Variants in TAFA1 observed in about 807,000 individuals in gnomAD.
TAFA1 encodes chemokine-like protein TAFA-1.
A neutral mutation model predicts 18.5 loss-of-function variants in TAFA1; 4 were observed. The ratio of observed to expected loss-of-function variants is 0.22; its 90% CI spans 0.11 to 0.49. The LOEUF (loss-of-function observed/expected upper bound fraction) is 0.49. Among genes scored for constraint, TAFA1 ranks in the 20% least tolerant of loss-of-function variants. The pLI is 0.98. For synonymous variants in TAFA1, 56 were observed against 55.2 expected, an observed-to-expected ratio of 1.01 and a Z score of -0.06; for missense variants, 147 against 169.0, an observed-to-expected ratio of 0.87 and a Z score of 0.72.
chr3:68,132,843 G>A (rs1214186610), intron 2 of TAFA1, among the ~76,000 whole-genome samples: 2 of 129,638 alleles, frequency 1.5e-5, no homozygotes, highest in African/African-American at 2.7e-5. Flanking sequence ...TCATGCTGAT[G>A]ATAATTTATT....
In TAFA1 at chr3:68,065,647, AT is replaced by A. The variant is rs1339570394; in HGVS notation, c.118+58906del. ...AAATTGTGAGTGGAGACATAGATGA[AT>A]TTGTATATGTGTGTATATATACATA... On this transcript the variant is annotated intron_variant, in intron 2 of 4. Transcript: ENST00000478136. 5.3e-5 allele frequency among the ~76,000 whole-genome samples: 8 copies of A among 151,990 alleles called. 1 individual carries two copies. Among genetic ancestry groups the A allele is most frequent in the African/African-American group, 1.7e-4 (7 of 41,460 alleles).
At chr3:68,436,517 T>G (rs2106852473) in intron 3 of TAFA1, among the ~76,000 whole-genome samples, 1 of 152,236 alleles carries the variant, frequency 6.6e-6, no homozygotes, top group East Asian at 1.9e-4. Flanking sequence ...GTAAAAAACT[T>G]ACAAAGTCAA....
At chr3:68,188,754 C>G (rs2066302244) in intron 2 of TAFA1, among the ~76,000 whole-genome samples, 1 of 151,770 alleles carries the variant, frequency 6.6e-6, no homozygotes, top group Non-Finnish European at 1.5e-5. Flanking sequence ...AAGGACAGAA[C>G]CATGGTAGGG....
intron 2 of TAFA1, among the ~76,000 whole-genome samples, chr3:68,271,503 A>G (rs2107230187): frequency 6.6e-6 from 1 of 152,284 alleles, no homozygotes; most frequent in African/African-American, 2.4e-5. Flanking sequence ...AAGAAGAAAG[A>G]AAGAATGTTG....
chr3:68,416,148 CCCA>C (rs2070833315), intron 2 of TAFA1, among the ~76,000 whole-genome samples: 1 of 152,032 alleles, frequency 6.6e-6, no homozygotes, highest in South Asian at 2.1e-4. Flanking sequence ...AACATCACAC[CCCA>C]CCACCACTGC....
chr3:68,145,384 A>T, intron 2 of TAFA1: 1 of 832,514 alleles, frequency 1.2e-6, no homozygotes, highest in Non-Finnish European at 2.1e-6. Context: ...CATATACTTC[A>T]ATCATCACTG....
intron 2 of TAFA1, among the ~76,000 whole-genome samples, chr3:68,085,673 A>G (rs1047253610): frequency 6.6e-6 from 1 of 152,194 alleles, no homozygotes; most frequent in African/African-American, 2.4e-5. Context: ...TATCCACTCC[A>G]AAGAGTATAT....
intron 3 of TAFA1, among the ~76,000 whole-genome samples, chr3:68,515,457 A>AGTAGGG (rs1559701207): frequency 3.3e-5 from 5 of 151,962 alleles, no homozygotes; most frequent in African/African-American, 4.8e-5. Flanking sequence ...TGTTTCCAGG[A>AGTAGGG]AGTATGGTTA....
chr3:68,176,946 A>G (rs2066134168), intron 2 of TAFA1, among the ~76,000 whole-genome samples: 1 of 152,036 alleles, frequency 6.6e-6, no homozygotes, highest in African/African-American at 2.4e-5. Context: ...GATTCACTAT[A>G]TTGCTCATCT....
chr3:68,515,794 C>T (rs946570694), intron 3 of TAFA1, among the ~76,000 whole-genome samples: 1 of 152,200 alleles, frequency 6.6e-6, no homozygotes, highest in Admixed American at 6.5e-5. Flanking sequence ...TTGCTGCAAG[C>T]ATTAGATGGA....
At chr3:68,525,092 A>G (rs575192367) in intron 3 of TAFA1, among the ~76,000 whole-genome samples, 1 of 152,332 alleles carries the variant, frequency 6.6e-6, no homozygotes, top group African/African-American at 2.4e-5. Flanking sequence ...CAGTAGAACT[A>G]AGATGTTGAA....
At chr3:68,022,963 CTT>C (rs1477250338) in intron 2 of TAFA1, among the ~76,000 whole-genome samples, 1 of 143,150 alleles carries the variant, frequency 7.0e-6, no homozygotes. Flanking sequence ...GAAAGTTACT[CTT>C]GTTTTTTTTT....
intron 3 of TAFA1, among the ~76,000 whole-genome samples, chr3:68,493,030 T>G (rs1307202446): frequency 2.0e-5 from 3 of 152,170 alleles, no homozygotes; most frequent in Non-Finnish European, 4.4e-5. Context: ...TCTTAGCCAT[T>G]TTTAAGTGTA....
At chr3:68,388,269 G>C (rs371962627) in intron 2 of TAFA1, among the ~76,000 whole-genome samples, 33 of 152,218 alleles carry the variant, frequency 2.2e-4, no homozygotes, top group African/African-American at 7.5e-4. Flanking sequence ...TTATAAAAAG[G>C]TAGTATAGAT....
At chr3:68,281,093 A>G (rs2067889779) in intron 2 of TAFA1, among the ~76,000 whole-genome samples, 1 of 152,156 alleles carries the variant, frequency 6.6e-6, no homozygotes, top group Non-Finnish European at 1.5e-5. Context: ...TTAAATTTCT[A>G]ATAAAATATT....
At chr3:68,345,032 C>CA (rs551579012) in intron 2 of TAFA1, among the ~76,000 whole-genome samples, 61,789 of 140,898 alleles carry the variant, frequency 0.44, 13,057 homozygotes, top group South Asian at 0.58. Context: ...GGCCCTATCT[C>CA]AAAAAAAAAA....
intron 2 of TAFA1, among the ~76,000 whole-genome samples, chr3:68,198,131 G>A (rs887525399): frequency 4.6e-5 from 7 of 151,554 alleles, no homozygotes; most frequent in African/African-American, 1.7e-4. Flanking sequence ...ATACAATGTG[G>A]AGCCTTTTCA....
chr3:68,030,770 A>T (rs369606003), intron 2 of TAFA1, among the ~76,000 whole-genome samples: 36 of 152,132 alleles, frequency 2.4e-4, no homozygotes, highest in Non-Finnish European at 4.6e-4. Flanking sequence ...TCCTTTGGGT[A>T]TATACTCCAC....
chr3:68,213,562 G>C (rs571682905), intron 2 of TAFA1, among the ~76,000 whole-genome samples: 5 of 152,062 alleles, frequency 3.3e-5, no homozygotes, highest in Admixed American at 2.6e-4. Flanking sequence ...GTGGAGTCAG[G>C]GGGTAGGGCC....
Sources: gnomAD v4.1 joint callset for allele counts (sites outside exome capture counted in the v4.1 genomes callset) on GRCh38, gnomAD v4.1.1 for gene constraint, MANE v1.5 for transcripts, NCBI Gene and HGNC (gene_info 2026-07-23, HGNC 2026-07-21) for gene names.